The following AGBL1 variants were observed in gnomAD, a reference collection of about 807,000 sequenced individuals.
AGBL1 encodes AGBL carboxypeptidase 1, also known as cytosolic carboxypeptidase 4.
AGBL1 carries 130 observed loss-of-function variants against 118.9 expected under a neutral mutation model. That is an observed-to-expected ratio of 1.09 (90% confidence interval 0.95 to 1.26). AGBL1 has a LOEUF of 1.26. Ranked by LOEUF, AGBL1 falls within the 50% of genes most tolerant of loss-of-function variation. AGBL1 has a pLI of 0.00. For synonymous variants in AGBL1, 555 were observed against 478.9 expected (o/e 1.16, Z -2.08); for missense variants, 1,584 against 1,298.1 (o/e 1.22, Z -3.38).
chr15:86,586,984 G>A (rs368921126), intron 21 of AGBL1, among the ~76,000 whole-genome samples: 19 of 152,060 alleles, frequency 1.2e-4, no homozygotes, highest in Admixed American at 9.2e-4. Flanking sequence ...GACTCCCCAG[G>A]CCCCTTAGAA....
intron 24 of AGBL1, among the ~76,000 whole-genome samples, chr15:87,013,405 T>C (rs758222843): frequency 2.0e-5 from 3 of 152,188 alleles, no homozygotes; most frequent in African/African-American, 4.8e-5. Context: ...GGGGTCCTGG[T>C]TGATTTTCAG....
intron 22 of AGBL1, among the ~76,000 whole-genome samples, chr15:86,819,037 A>T (rs777182222): frequency 6.6e-6 from 1 of 152,116 alleles, no homozygotes; most frequent in Admixed American, 6.6e-5. Context: ...TTACCATTAT[A>T]TGCCTTTTTC....
At chr15:86,576,752 T>G (rs1158990159) in intron 21 of AGBL1, among the ~76,000 whole-genome samples, 1 of 152,202 alleles carries the variant, frequency 6.6e-6, no homozygotes, top group Non-Finnish European at 1.5e-5. Context: ...GTTCTTGTGA[T>G]AGTGAGTAAG....
In AGBL1 at chr15:86,527,075, C is replaced by T. The variant is rs934801147; in HGVS notation, c.2685+4136C>T. 5.1e-4 allele frequency among the ~76,000 whole-genome samples: 78 copies of T among 152,316 alleles called. 1 individual carries two copies. The highest frequency in any genetic ancestry group is 1.8e-3 in the African/African-American group (75 of 41,570). ...ATTCTGACCTTCTCCCTCCTGCAAT[C>T]TTAGAAGGCACTGTAATCTCTGCAG... On this transcript the variant is annotated intron_variant, in intron 19 of 22. Coordinates refer to ENST00000614907, the MANE Select transcript of AGBL1 (RefSeq NM_001386094.1).
chr15:86,975,759 A>G (rs114868524), intron 23 of AGBL1, among the ~76,000 whole-genome samples: 343 of 152,218 alleles, frequency 2.3e-3, no homozygotes, highest in African/African-American at 7.6e-3. Context: ...TTAAATGTCA[A>G]TTTTGCAGGA....
chr15:86,191,381 GAA>G, intron 5 of AGBL1, among the ~76,000 whole-genome samples: 2 of 141,678 alleles, frequency 1.4e-5, no homozygotes, highest in South Asian at 4.7e-4. Context: ...GAGAGAGAGA[GAA>G]ATTAAGAGCA....
At chr15:86,272,644 G>A (rs986423824) in intron 15 of AGBL1, among the ~76,000 whole-genome samples, 1 of 152,046 alleles carries the variant, frequency 6.6e-6, no homozygotes, top group Non-Finnish European at 1.5e-5. Context: ...ATTGATAGAT[G>A]GGAAAGGTCA....
chr15:86,709,225 T>C (rs745935622), intron 22 of AGBL1, among the ~76,000 whole-genome samples: 6 of 152,184 alleles, frequency 3.9e-5, no homozygotes, highest in Non-Finnish European at 7.3e-5. Flanking sequence ...AAACTTTTCT[T>C]ACATCAGTCT....
chr15:86,651,281 A>C (rs772218946), intron 21 of AGBL1, among the ~76,000 whole-genome samples: 2 of 152,144 alleles, frequency 1.3e-5, no homozygotes, highest in African/African-American at 2.4e-5. Context: ...GAGAAATTGC[A>C]TAGAGGCCTC....
At chr15:86,234,515 C>A (rs1435208446) in intron 6 of AGBL1, among the ~76,000 whole-genome samples, 1 of 144,780 alleles carries the variant, frequency 6.9e-6, no homozygotes, top group African/African-American at 2.6e-5. Flanking sequence ...CACACCACTG[C>A]ACTCCAGCCT....
intron 5 of AGBL1, among the ~76,000 whole-genome samples, chr15:86,197,571 G>A (rs897456363): frequency 1.3e-5 from 2 of 152,186 alleles, no homozygotes; most frequent in Non-Finnish European, 2.9e-5. Context: ...ATGTGGCTAT[G>A]TTCTTCCTGA....
chr15:86,835,411 G>A (rs2079157808), intron 22 of AGBL1, among the ~76,000 whole-genome samples: 1 of 152,148 alleles, frequency 6.6e-6, no homozygotes, highest in African/African-American at 2.4e-5. Context: ...AACTATAAAT[G>A]ATCAGGAGAG....
At chr15:87,019,609 A>G (rs1395197041) in intron 24 of AGBL1, among the ~76,000 whole-genome samples, 1 of 152,120 alleles carries the variant, frequency 6.6e-6, no homozygotes, top group Non-Finnish European at 1.5e-5. Flanking sequence ...AATCTGTGGG[A>G]TGCAGCTAAA....
At chr15:86,643,902 A>G (rs1159525272) in intron 21 of AGBL1, among the ~76,000 whole-genome samples, 1 of 152,158 alleles carries the variant, frequency 6.6e-6, no homozygotes, top group Non-Finnish European at 1.5e-5. Context: ...TTCAACTTTT[A>G]GGACCTTGTA....
intron 22 of AGBL1, among the ~76,000 whole-genome samples, chr15:86,827,310 TATATATACACAC>T (rs1285435751): frequency 5.3e-3 from 73 of 13,688 alleles, no homozygotes; most frequent in African/African-American, 0.037. Flanking sequence ...TATGTATATA[TATATATACACAC>T]ACATATATAT....
intron 22 of AGBL1, among the ~76,000 whole-genome samples, chr15:86,860,826 A>G (rs1014737817): frequency 5.3e-5 from 8 of 152,044 alleles, no homozygotes; most frequent in Non-Finnish European, 1.0e-4. Context: ...CCACAGGGAA[A>G]TCTATATTCT....
chr15:86,747,673 C>T (rs1200236990), intron 22 of AGBL1, among the ~76,000 whole-genome samples: 1 of 152,126 alleles, frequency 6.6e-6, no homozygotes, highest in East Asian at 1.9e-4. Flanking sequence ...GTTCCCCTTC[C>T]TGTGTCCATG....
At chr15:86,266,778 T>C (rs1345702291) in intron 12 of AGBL1, among the ~76,000 whole-genome samples, 1 of 152,144 alleles carries the variant, frequency 6.6e-6, no homozygotes, top group Non-Finnish European at 1.5e-5. Context: ...GGCGGGTGCC[T>C]GTAGTCCCGC....
chr15:86,349,821 T>C (rs1368994703), intron 17 of AGBL1, among the ~76,000 whole-genome samples: 2 of 152,190 alleles, frequency 1.3e-5, no homozygotes, highest in Non-Finnish European at 2.9e-5. Context: ...GCATGGCCTA[T>C]TGGAAAGAGC....
Sources: allele counts gnomAD v4.1 joint callset (sites outside exome capture counted in the v4.1 genomes callset), GRCh38; gene constraint gnomAD v4.1.1; transcripts MANE v1.5; gene names NCBI Gene and HGNC (gene_info 2026-07-23, HGNC 2026-07-21).